Variants in DSCAM observed in about 807,000 individuals in gnomAD.
The protein encoded by DSCAM is DS cell adhesion molecule.
In DSCAM, 47 loss-of-function variants were observed where a neutral mutation model predicts 217.7. That is an observed-to-expected ratio of 0.22 (90% CI 0.17 to 0.28). The LOEUF (loss-of-function observed/expected upper bound fraction) is 0.28. Ranked by LOEUF, DSCAM falls within the 10% of genes least tolerant of loss-of-function variation. The pLI, the probability that DSCAM is intolerant of heterozygous loss-of-function variation, is 1.00. For missense variants in DSCAM, 2,080 were observed against 2,618.3 expected, an observed-to-expected ratio of 0.79 and a Z score of 4.49; for synonymous variants, 1,056 against 1,015.3, an observed-to-expected ratio of 1.04 and a Z score of -0.76.
At chr21:40,345,722 A>T (rs2074550562) in intron 6 of DSCAM, among the ~76,000 whole-genome samples, 1 of 152,010 alleles carries the variant, frequency 6.6e-6, no homozygotes, top group Admixed American at 6.6e-5. Context: ...TGTTTTCCAG[A>T]GGAAATTAGC....
At chr21:40,787,393 T>C (rs1218295444) in intron 1 of DSCAM, among the ~76,000 whole-genome samples, 4 of 152,190 alleles carry the variant, frequency 2.6e-5, no homozygotes, top group African/African-American at 9.7e-5. Context: ...TCTCTTCTCA[T>C]TGTCACTAAA....
chr21:40,342,648 A>ATATATATATATATT (rs61637421), intron 6 of DSCAM, among the ~76,000 whole-genome samples: 2 of 80,320 alleles, frequency 2.5e-5, no homozygotes, highest in African/African-American at 1.0e-4. Flanking sequence ...ATATATATAT[A>ATATATATATATATT]TTTTTTTTTT....
intron 27 of DSCAM, among the ~76,000 whole-genome samples, chr21:40,068,805 G>A (rs1400483149): frequency 6.6e-6 from 1 of 152,202 alleles, no homozygotes; most frequent in East Asian, 1.9e-4. Flanking sequence ...GGGTATGATG[G>A]CTGGACGCAG....
chr21:40,103,273 T>C (rs766393499), intron 20 of DSCAM, among the ~76,000 whole-genome samples: 1 of 148,408 alleles, frequency 6.7e-6, no homozygotes, highest in Admixed American at 6.9e-5. Flanking sequence ...ATTGTTAACA[T>C]GCAATTAAAA....
At chr21:40,256,404 C>CAGAGAGAGAGAGAGAGAGAG (rs148333628) in intron 11 of DSCAM, among the ~76,000 whole-genome samples, 29 of 147,788 alleles carry the variant, frequency 2.0e-4, no homozygotes, top group African/African-American at 6.7e-4. Flanking sequence ...GAGAGACAGA[C>CAGAGAGAGAGAGAGAGAGAG]AGAGAGAGAG....
chr21:40,306,703 T>C (rs897917913), intron 9 of DSCAM, among the ~76,000 whole-genome samples: 6 of 152,292 alleles, frequency 3.9e-5, no homozygotes, highest in African/African-American at 1.4e-4. Context: ...GAGATAATCA[T>C]GTGTTTTTTG....
At chr21:40,028,677 C>A (rs1488627228) in intron 32 of DSCAM, among the ~76,000 whole-genome samples, 1 of 152,198 alleles carries the variant, frequency 6.6e-6, no homozygotes, top group Non-Finnish European at 1.5e-5. Flanking sequence ...TTGTGCTTCC[C>A]GAGTGAGGCA....
At chr21:40,172,488 T>C (rs1411076540) in intron 15 of DSCAM, among the ~76,000 whole-genome samples, 1 of 152,238 alleles carries the variant, frequency 6.6e-6, no homozygotes, top group Non-Finnish European at 1.5e-5. Context: ...TTCCCTGTCC[T>C]GATCCTTCCT....
chr21:40,399,535 A>G (rs1010154993), intron 3 of DSCAM, among the ~76,000 whole-genome samples: 27 of 152,222 alleles, frequency 1.8e-4, no homozygotes, highest in Non-Finnish European at 7.3e-5. Flanking sequence ...TGTGTTTCAG[A>G]AAGATATTTG....
At chr21:40,648,274 C>G (rs920684157) in intron 3 of DSCAM, among the ~76,000 whole-genome samples, 1 of 148,632 alleles carries the variant, frequency 6.7e-6, no homozygotes, top group Non-Finnish European at 1.5e-5. Flanking sequence ...CACACACACA[C>G]ACACACACTC....
chr21:40,765,921 C>T (rs2091384256), intron 1 of DSCAM, among the ~76,000 whole-genome samples: 1 of 152,186 alleles, frequency 6.6e-6, no homozygotes, highest in African/African-American at 2.4e-5. Flanking sequence ...AGGAGCTGAC[C>T]TCCGCCCTGT....
At chr21:40,400,041 T>G (rs1490235015) in intron 3 of DSCAM, among the ~76,000 whole-genome samples, 1 of 152,188 alleles carries the variant, frequency 6.6e-6, no homozygotes, top group East Asian at 1.9e-4. Flanking sequence ...GGAATCTGTG[T>G]TTGAAGCAGG....
At chr21:40,426,688 A>C (rs558023786) in intron 3 of DSCAM, among the ~76,000 whole-genome samples, 1 of 152,178 alleles carries the variant, frequency 6.6e-6, no homozygotes, top group African/African-American at 2.4e-5. Context: ...GCATAACTCA[A>C]AGGGCTGGAG....
At chr21:40,470,447 G>C (rs1360008982) in intron 3 of DSCAM, among the ~76,000 whole-genome samples, 1 of 152,212 alleles carries the variant, frequency 6.6e-6, no homozygotes, top group South Asian at 2.1e-4. Flanking sequence ...CTGCGAGGCT[G>C]TCCAAGAGTC....
At chr21:40,693,933 G>C (rs545026987) in intron 2 of DSCAM, among the ~76,000 whole-genome samples, 1 of 152,258 alleles carries the variant, frequency 6.6e-6, no homozygotes, top group South Asian at 2.1e-4. Flanking sequence ...GCCACTCCCT[G>C]ACTGTGGGGC....
intron 6 of DSCAM, among the ~76,000 whole-genome samples, chr21:40,341,853 G>T (rs577753215): frequency 2.0e-5 from 3 of 152,198 alleles, no homozygotes; most frequent in African/African-American, 7.2e-5. Context: ...TTCCAGAGCA[G>T]TCCGTATCAC....
chr21:40,456,407 A>C (rs1283830231), intron 3 of DSCAM, among the ~76,000 whole-genome samples: 1 of 152,140 alleles, frequency 6.6e-6, no homozygotes, highest in Non-Finnish European at 1.5e-5. Context: ...TGAAATTCTC[A>C]AGAAAACAAA....
At chr21:40,063,903 A>G (rs1413887403) in intron 27 of DSCAM, among the ~76,000 whole-genome samples, 1 of 152,196 alleles carries the variant, frequency 6.6e-6, no homozygotes, top group Non-Finnish European at 1.5e-5. Context: ...TAAGTTGGCC[A>G]GTCCCAATGG....
intron 3 of DSCAM, among the ~76,000 whole-genome samples, chr21:40,438,095 G>C (rs1481745546): frequency 6.6e-6 from 1 of 152,200 alleles, no homozygotes; most frequent in Non-Finnish European, 1.5e-5. Context: ...CCCAGGACCA[G>C]GAGTCTGGGG....
Sources: gnomAD v4.1 joint callset for allele counts (sites outside exome capture counted in the v4.1 genomes callset) on GRCh38, gnomAD v4.1.1 for gene constraint, MANE v1.5 for transcripts, NCBI Gene and HGNC (gene_info 2026-07-23, HGNC 2026-07-21) for gene names.